The following OPN3 variants were observed in gnomAD, a reference collection of about 807,000 sequenced individuals.
OPN3 encodes the protein opsin 3.
In OPN3, 29 loss-of-function variants were observed where a neutral mutation model predicts 33.8. The ratio of observed to expected loss-of-function variants is 0.86; its 90% CI spans 0.64 to 1.17. The LOEUF (loss-of-function observed/expected upper bound fraction) is 1.17, where lower values mean the gene tolerates loss of function less well. Ranked by LOEUF, OPN3 falls within the 50% of genes most tolerant of loss-of-function variation. The pLI, the probability that OPN3 is intolerant of heterozygous loss-of-function variation, is 0.00. For missense variants in OPN3, 437 were observed against 514.1 expected (o/e 0.85, Z 1.45); for synonymous variants, 216 against 216.1 (o/e 1.00, Z 0.00).
chr1:241,633,871 AT>A (rs754721864), intron 1 of OPN3: 1 of 1,613,842 alleles, frequency 6.2e-7, no homozygotes, highest in South Asian at 1.1e-5. Flanking sequence ...CCATTACTAC[AT>A]TATTGGTTCC....
intron 1 of OPN3, among the ~76,000 whole-genome samples, chr1:241,611,493 CAAAA>C (rs10645786): frequency 3.8e-4 from 47 of 123,194 alleles, no homozygotes; most frequent in African/African-American, 9.7e-4. Context: ...TTAACAAGGC[CAAAA>C]AAAAAAAAAA....
intron 1 of OPN3, among the ~76,000 whole-genome samples, chr1:241,624,488 T>C (rs544689955): frequency 6.6e-6 from 1 of 152,342 alleles, no homozygotes; most frequent in South Asian, 2.1e-4. Flanking sequence ...TAGATTTCCC[T>C]AGCAGGACTA....
chr1:241,610,229 C>T (rs1236244573), intron 1 of OPN3, among the ~76,000 whole-genome samples: 2 of 152,224 alleles, frequency 1.3e-5, no homozygotes, highest in East Asian at 3.8e-4. Context: ...AGCTTTGATA[C>T]TGCTGTTCCT....
intron 1 of OPN3, among the ~76,000 whole-genome samples, chr1:241,637,912 T>C (rs567104555): frequency 1.3e-5 from 2 of 152,262 alleles, no homozygotes; most frequent in Admixed American, 1.3e-4. Flanking sequence ...TTTAACTTCC[T>C]CCCCTTCAAT....
At position 241,604,269 on chromosome 1, in the gene OPN3, G is replaced by A; in HGVS notation, c.684C>T (p.Ser228=). Residue 228 remains serine, a synonymous_variant, in exon 2 of 4, where the codon TCC becomes TCT. Coordinates refer to ENST00000366554, the MANE Select transcript of OPN3 (RefSeq NM_014322.3). ...IAHCYGHILY[S]IRMLRCVEDL... ...GTAGTCTTCAACTCACCATTCGAAT[G>A]GAATATAGAATATGGCCATAGCAAT... 1.9e-6 allele frequency: 3 copies of A among 1,613,624 alleles called. No individual in the cohort carries two copies. Among genetic ancestry groups the A allele is most frequent in the Non-Finnish European group, 2.5e-6 (3 of 1,179,666 alleles).
Position 241,594,391 on chromosome 1 carries a change from A to G in OPN3, c.*37T>C. On this transcript the variant is annotated 3_prime_UTR_variant, in exon 4 of 4. Transcript: ENST00000366554. ...TGATGAAAGTCCAAAAGTGGCATCC[A>G]ATTTAAGGCCCCATCTTTCGTTGCC... The G allele has an allele frequency of 1.3e-6, 2 of 1,592,032 alleles. No homozygotes were observed. Among genetic ancestry groups the G allele is most frequent in the Non-Finnish European group, 1.7e-6 (2 of 1,167,456 alleles).
chr1:241,640,313 C>G lies in OPN3; in HGVS notation c.-59G>C, dbSNP rs1665078282. ...GCTCAGCTTGCGGCGGGGCTCGCGG[C>G]GCGCTCCGCACTGGGTGGGGTTGGG... On this transcript the variant is annotated 5_prime_UTR_variant, in exon 1 of 4. Transcript: ENST00000366554. 9.1e-7 allele frequency: 1 copy of G among 1,098,984 alleles called. No homozygotes were observed. The highest frequency in any genetic ancestry group is 1.1e-6 in the Non-Finnish European group (1 of 906,808). 68.1% of individuals were successfully genotyped at this position (1,098,984 alleles called of 1,614,324 possible).
chr1:241,627,665 T>C (rs1256121054), intron 1 of OPN3, among the ~76,000 whole-genome samples: 1 of 152,230 alleles, frequency 6.6e-6, no homozygotes, highest in Admixed American at 6.5e-5. Flanking sequence ...TACAGAAAGC[T>C]GGAAGTACTG....
chr1:241,626,444 G>C (rs1272680097), intron 1 of OPN3, among the ~76,000 whole-genome samples: 3 of 152,088 alleles, frequency 2.0e-5, no homozygotes, highest in African/African-American at 7.2e-5. Flanking sequence ...TTTCTATCTG[G>C]TTGGTACTTA....
intron 1 of OPN3, chr1:241,631,405 T>C (rs1324303424): frequency 2.6e-5 from 4 of 152,218 alleles, no homozygotes. Flanking sequence ...TATCATCTTA[T>C]GTATTTCTCA....
At chr1:241,628,344 C>T (rs767252654) in intron 1 of OPN3, among the ~76,000 whole-genome samples, 4 of 152,060 alleles carry the variant, frequency 2.6e-5, no homozygotes, top group Non-Finnish European at 5.9e-5. Flanking sequence ...TCTCTAATTT[C>T]CCAGAATAAT....
At chr1:241,611,975 A>G (rs1664014604) in intron 1 of OPN3, among the ~76,000 whole-genome samples, 1 of 152,214 alleles carries the variant, frequency 6.6e-6, no homozygotes, top group Non-Finnish European at 1.5e-5. Flanking sequence ...AGGAAGGTCC[A>G]CCATATTTAA....
intron 3 of OPN3, 76 bp from the exon 4 acceptor site, chr1:241,594,767 G>C: frequency 2.6e-6 from 4 of 1,523,424 alleles, no homozygotes; most frequent in Non-Finnish European, 3.6e-6. Context: ...GAGGAAATCA[G>C]TTGAGCTGAA....
At position 241,640,091 on chromosome 1, in the gene OPN3, C is replaced by T; in HGVS notation, c.164G>A (p.Gly55Asp). ...GAGCACCAGCAGGTTGTTGCCGACG[C>T]CCAGCAGCCCAATGGAGCCCAGCAG... ...ALLLGSIGLL[G>D]VGNNLLVLVL... The change falls in exon 1 of 4, where the codon GGC becomes GAC. Residue 55 changes from glycine (G) to aspartate (D), a missense_variant. Physicochemically the swap from Gly to Asp is moderately conservative, Grantham distance 94. Coordinates refer to ENST00000366554, the MANE Select transcript of OPN3 (RefSeq NM_014322.3). 6.2e-7 allele frequency: 1 copy of T among 1,610,034 alleles called. No individual in the cohort carries two copies. Among genetic ancestry groups the T allele is most frequent in the Non-Finnish European group, 8.5e-7 (1 of 1,178,520 alleles).
In OPN3 at chr1:241,610,072, C is replaced by T. The variant is rs1163215305; in HGVS notation, c.374-5493G>A. ...TCAAAATTGGAACCATTGGAAAGGG[C>T]TTATGTACCCCCCAGCGGTTTTGAA... is the stretch of plus-strand genomic sequence containing the variant. On this transcript the variant is annotated intron_variant, in intron 1 of 3. Transcript: ENST00000366554. Among the ~76,000 whole-genome samples, 5 of 152,208 alleles carry T rather than the reference C, an allele frequency of 3.3e-5. No individual in the cohort carries two copies. In the East Asian group the frequency reaches 5.8e-4, roughly 18 times the overall value.
intron 1 of OPN3, chr1:241,633,223 T>C (rs1205879103): frequency 1.3e-5 from 2 of 155,138 alleles, no homozygotes; most frequent in Admixed American, 6.3e-5. Context: ...GCATAAAGGA[T>C]CATGCAAAGC....
chr1:241,594,796 T>C, intron 3 of OPN3, 105 bp from the exon 4 acceptor site: 2 of 1,324,394 alleles, frequency 1.5e-6, no homozygotes, highest in Non-Finnish European at 2.1e-6. Flanking sequence ...GTTTTTTGTT[T>C]GTTAGCAGGT....
chr1:241,601,701 C>T lies in OPN3; in HGVS notation c.693+2559G>A, dbSNP rs187182879. Among the ~76,000 whole-genome samples, 726 of 151,928 alleles carry T rather than the reference C, an allele frequency of 4.8e-3. 8 individuals are homozygous for T. The highest frequency in any genetic ancestry group is 6.8e-3 in the Middle Eastern group (2 of 294). On this transcript the variant is annotated intron_variant, in intron 2 of 3. Transcript: ENST00000366554. ...AGCCTGGGCAATAAGAGTAAAACTT[C>T]GTCTCAAAAAACAAAACAAAACAAA...
At chr1:241,634,646 G>C (rs1163242639) in intron 1 of OPN3, 1 of 1,613,810 alleles carries the variant, frequency 6.2e-7, no homozygotes, top group Non-Finnish European at 8.5e-7. Flanking sequence ...AAATAAAAAG[G>C]GGGTGTTGCC....
Sources: gnomAD v4.1 joint callset for allele counts (sites outside exome capture counted in the v4.1 genomes callset) on GRCh38, gnomAD v4.1.1 for gene constraint, MANE v1.5 for transcripts, NCBI Gene and HGNC (gene_info 2026-07-23, HGNC 2026-07-21) for gene names.